Variants in ELAVL2 observed in about 807,000 individuals in gnomAD.
ELAVL2 encodes the protein ELAV-like protein 2.
In ELAVL2, 4 loss-of-function variants were observed where a neutral mutation model predicts 34.6. That is an observed-to-expected ratio of 0.12 (90% CI 0.06 to 0.26). The LOEUF (loss-of-function observed/expected upper bound fraction) is 0.26. Among genes scored for constraint, ELAVL2 ranks in the 10% least tolerant of loss-of-function variants. The probability of loss-of-function intolerance (pLI) is 1.00; values close to 1 mark genes in which losing one functional copy is unlikely to be tolerated. For synonymous variants in ELAVL2, 193 were observed against 154.8 expected, an observed-to-expected ratio of 1.25 and a Z score of -1.83; for missense variants, 432 against 442.8, an observed-to-expected ratio of 0.98 and a Z score of 0.22.
chr9:23,741,372 G>T (rs970147688), intron 2 of ELAVL2, among the ~76,000 whole-genome samples: 3 of 152,146 alleles, frequency 2.0e-5, no homozygotes, highest in Non-Finnish European at 2.9e-5. Context: ...CAATGAGGAA[G>T]GAGGCACACG....
chr9:23,833,061 G>GT, the ELAVL2 span, among the ~76,000 whole-genome samples: 13 of 151,324 alleles, frequency 8.6e-5, no homozygotes, highest in African/African-American at 1.9e-4. Flanking sequence ...AGGTGTTTGC[G>GT]TTTTTTTTAT....
upstream of ELAVL2, among the ~76,000 whole-genome samples, chr9:23,827,277 C>T (rs1317872191): frequency 6.6e-6 from 1 of 152,216 alleles, no homozygotes; most frequent in Non-Finnish European, 1.5e-5. Flanking sequence ...AGACCAAGTG[C>T]TATCAATGCT....
At chr9:23,713,415 G>T (rs1293215945) in intron 3 of ELAVL2, among the ~76,000 whole-genome samples, 1 of 152,090 alleles carries the variant, frequency 6.6e-6, no homozygotes, top group African/African-American at 2.4e-5. Context: ...AGTCTAAGCA[G>T]GAACTTGTCA....
At chr9:23,812,257 T>A (rs747906422) in intron 1 of ELAVL2, among the ~76,000 whole-genome samples, 1 of 152,112 alleles carries the variant, frequency 6.6e-6, no homozygotes, top group South Asian at 2.1e-4. Flanking sequence ...ACAATAAGTA[T>A]TACACAATCT....
chr9:23,706,664 T>C (rs2133424871), intron 3 of ELAVL2, among the ~76,000 whole-genome samples: 1 of 152,326 alleles, frequency 6.6e-6, no homozygotes, highest in South Asian at 2.1e-4. Flanking sequence ...GTGTCTGGGA[T>C]TGATTTGCTG....
intron 1 of ELAVL2, among the ~76,000 whole-genome samples, chr9:23,791,627 T>G (rs2060332472): frequency 6.6e-6 from 1 of 151,844 alleles, no homozygotes; most frequent in Admixed American, 6.6e-5. Flanking sequence ...TATGGGGCCC[T>G]AATCCAATAG....
chr9:23,804,689 C>T (rs753745115), intron 1 of ELAVL2, among the ~76,000 whole-genome samples: 2 of 152,098 alleles, frequency 1.3e-5, no homozygotes, highest in Non-Finnish European at 2.9e-5. Context: ...CTTCTGAAAA[C>T]TTATCAGTTT....
chr9:23,746,676 T>C (rs773315775), intron 2 of ELAVL2, among the ~76,000 whole-genome samples: 5 of 152,078 alleles, frequency 3.3e-5, no homozygotes, highest in Non-Finnish European at 5.9e-5. Context: ...CCAACTGGCT[T>C]CTGGAATTAG....
intron 1 of ELAVL2, among the ~76,000 whole-genome samples, chr9:23,814,080 C>A (rs1167700509): frequency 6.6e-6 from 1 of 152,098 alleles, no homozygotes; most frequent in Admixed American, 6.6e-5. Flanking sequence ...TTATATATTA[C>A]CAAACCGTAA....
At chr9:23,704,149 C>CTTTTTTTTTTTTTTTTTTTTTTTTTTTTT (rs1213893502) in intron 4 of ELAVL2, among the ~76,000 whole-genome samples, 19 of 151,804 alleles carry the variant, frequency 1.3e-4, no homozygotes, top group East Asian at 3.9e-4. Flanking sequence ...TCACGCTGGT[C>CTTTTTTTTTTTTTTTTTTTTTTTTTTTTT]TTGAACTCCC....
At chr9:23,724,248 G>A (rs2044506610) in intron 3 of ELAVL2, among the ~76,000 whole-genome samples, 1 of 152,022 alleles carries the variant, frequency 6.6e-6, no homozygotes, top group Admixed American at 6.6e-5. Context: ...AGTAAGCAGG[G>A]GACACTGCCA....
At chr9:23,707,037 G>A (rs927439405) in intron 3 of ELAVL2, among the ~76,000 whole-genome samples, 15 of 152,136 alleles carry the variant, frequency 9.9e-5, no homozygotes, top group African/African-American at 3.4e-4. Flanking sequence ...GCACTGTCCT[G>A]TTCTACAGAA....
intron 3 of ELAVL2, among the ~76,000 whole-genome samples, chr9:23,706,807 A>T (rs1211906537): frequency 6.6e-6 from 1 of 152,152 alleles, no homozygotes; most frequent in Non-Finnish European, 1.5e-5. Flanking sequence ...TTTTCCCCAT[A>T]ATTTGAATTG....
At position 23,783,574 on chromosome 9, in the gene ELAVL2, C is replaced by A. The variant is rs948924220; in HGVS notation, c.-15-21325G>T. 6.0e-6 allele frequency: 5 copies of A among 838,648 alleles called. No homozygotes were observed. In the African/African-American group the frequency reaches 7.4e-5, roughly 12 times the overall value. The allele number at this position is 838,648 out of a possible 1,614,324, so 52.0% of individuals were successfully genotyped here. ...ACCACTAAAAGGACACAGAAGAAAA[C>A]AGATATGCCTCAAATATCAACACAT... is the stretch of plus-strand genomic sequence containing the variant. On this transcript the variant is annotated intron_variant, in intron 1 of 6. Coordinates refer to ENST00000397312, the MANE Select transcript of ELAVL2 (RefSeq NM_004432.5).
intron 4 of ELAVL2, among the ~76,000 whole-genome samples, chr9:23,704,318 T>G (rs2133313760): frequency 6.6e-6 from 1 of 152,314 alleles, no homozygotes; most frequent in African/African-American, 2.4e-5. Flanking sequence ...CTTTGTTAAC[T>G]AAGATTTGGC....
At chr9:23,795,647 C>T (rs1007513494) in intron 1 of ELAVL2, among the ~76,000 whole-genome samples, 1 of 152,164 alleles carries the variant, frequency 6.6e-6, no homozygotes, top group Non-Finnish European at 1.5e-5. Context: ...AAAAATAGGA[C>T]TGTCATAAAA....
intron 3 of ELAVL2, among the ~76,000 whole-genome samples, chr9:23,710,300 A>G (rs1031080735): frequency 1.3e-5 from 2 of 152,248 alleles, no homozygotes; most frequent in African/African-American, 4.8e-5. Context: ...TTATACAAAG[A>G]AACAAAACCA....
At chr9:23,760,135 A>T (rs2054616560) in intron 2 of ELAVL2, among the ~76,000 whole-genome samples, 1 of 152,020 alleles carries the variant, frequency 6.6e-6, no homozygotes, top group Admixed American at 6.6e-5. Flanking sequence ...GCCACATAAC[A>T]GCTCTAAAGA....
At chr9:23,777,641 T>A (rs1419530772) in intron 1 of ELAVL2, among the ~76,000 whole-genome samples, 1 of 152,042 alleles carries the variant, frequency 6.6e-6, no homozygotes, top group Non-Finnish European at 1.5e-5. Context: ...ACGGGGGGTA[T>A]CATGAGGTAG....
Sources: gnomAD v4.1 joint callset for allele counts (sites outside exome capture counted in the v4.1 genomes callset) on GRCh38, gnomAD v4.1.1 for gene constraint, MANE v1.5 for transcripts, NCBI Gene and HGNC (gene_info 2026-07-23, HGNC 2026-07-21) for gene names.